The following IFI44L variants were observed in gnomAD, a reference collection of about 807,000 sequenced individuals.
The protein encoded by IFI44L is interferon induced protein 44 like.
IFI44L carries 40 observed loss-of-function variants against 39.3 expected under a neutral mutation model. The ratio of observed to expected loss-of-function variants is 1.02; its 90% CI spans 0.79 to 1.33. The LOEUF (loss-of-function observed/expected upper bound fraction) is 1.33. Ranked by LOEUF, IFI44L falls within the 40% of genes most tolerant of loss-of-function variation. The pLI is 0.00. For missense variants in IFI44L, 623 were observed against 549.0 expected, an observed-to-expected ratio of 1.13 and a Z score of -1.35; for synonymous variants, 198 against 182.3, an observed-to-expected ratio of 1.09 and a Z score of -0.69.
intron 3 of IFI44L, 195 bp from the exon 4 acceptor site, chr1:78,629,525 T>C (rs745706262): frequency 2.9e-5 from 13 of 447,270 alleles, no homozygotes; most frequent in Non-Finnish European, 4.6e-5. Flanking sequence ...TAATGCATTT[T>C]CTTTAAGCAC....
At chr1:78,623,396 GTTTTTTTTTTTT>G (rs71078508) in intron 1 of IFI44L, among the ~76,000 whole-genome samples, 5 of 121,320 alleles carry the variant, frequency 4.1e-5, no homozygotes, top group African/African-American at 1.7e-4. Context: ...AGTGTTTTTT[GTTTTTTTTTTTT>G]TTTTTTTTTT....
At chr1:78,634,642 A>T (rs1219532851) in intron 4 of IFI44L, among the ~76,000 whole-genome samples, 1 of 152,146 alleles carries the variant, frequency 6.6e-6, no homozygotes, top group East Asian at 1.9e-4. Context: ...AATATCTGAA[A>T]GTATAAAACT....
At chr1:78,640,004 C>T (rs1646962125) in intron 6 of IFI44L, among the ~76,000 whole-genome samples, 1 of 152,002 alleles carries the variant, frequency 6.6e-6, no homozygotes. Context: ...TGCATCTGAA[C>T]TTAATAAACT....
rs555262590 is a variant in IFI44L at position 78,641,091 on chromosome 1, CATGAGTAGATCT to C, written c.1124_1135del (p.Ser375_Met378del). ...AGGTTCTTCAAGACAACTTTTTAAA[CATGAGTAGATCT>C]ATGACTTCTCAAAGCCGGGTAAAAA... On this transcript the variant is annotated inframe_deletion, in exon 7 of 9. Transcript: ENST00000370751. 7.3e-4 allele frequency: 1,179 copies of C among 1,612,546 alleles called. 7 individuals carry two copies. The African/African-American group carries it at 0.014, about 19-fold the overall frequency.
chr1:78,635,316 C>A, intron 4 of IFI44L, 21 bp from the exon 5 acceptor site: 1 of 1,533,886 alleles, frequency 6.5e-7, no homozygotes, highest in Non-Finnish European at 9.0e-7. Context: ...AACCTTTACA[C>A]TTAATGTATT....
rs757203135 is a variant in IFI44L, at chr1:78,641,788, A to C, written c.1338A>C (p.Arg446Ser). ...TTTCATTTTCAGGTGCAATTGAGAG[A>C]GCGTTACAGCCCTGCATTTGAGATA... Reference protein sequence around the residue: ...LPLEETGAIERALQPCI With the variant: ...LPLEETGAIESALQPCI The change falls in exon 9 of 9, where the codon AGA (arginine) becomes AGC (serine). Residue 446 changes from arginine to serine, a missense_variant. Arg to Ser is a moderately radical substitution (Grantham distance 110). Coordinates refer to ENST00000370751, the MANE Select transcript of IFI44L (RefSeq NM_006820.4). 3 of 1,613,564 alleles carry C rather than the reference A, an allele frequency of 1.9e-6. No individual in the cohort carries two copies. The highest frequency in any genetic ancestry group is 2.5e-6 in the Non-Finnish European group (3 of 1,179,684).
In IFI44L at chr1:78,629,129, G is replaced by T. The variant is rs1482285046; in HGVS notation, c.527+130G>T. On this transcript the variant is annotated intron_variant, in intron 3 of 8. Transcript: ENST00000370751. ...ATTAAAAAAGAGTTATAATGTTATT[G>T]ACATAAAATAACAAAAGCACTACTA... The T allele has an allele frequency of 4.5e-6, 3 of 670,916 alleles. No homozygotes were observed. In the Admixed American group the frequency reaches 8.7e-5, roughly 19 times the overall value. The allele number at this position is 670,916 out of a possible 1,614,324, so 41.6% of individuals were successfully genotyped here.
intron 6 of IFI44L, among the ~76,000 whole-genome samples, chr1:78,639,533 T>C (rs1653078760): frequency 6.6e-6 from 1 of 152,228 alleles, no homozygotes; most frequent in East Asian, 1.9e-4. Flanking sequence ...CAAAAGCCAA[T>C]CTGGGACATA....
At chr1:78,635,675 A>C (rs570259333) in intron 5 of IFI44L, 186 bp downstream of exon 5, 1 of 591,464 alleles carries the variant, frequency 1.7e-6, no homozygotes, top group East Asian at 2.9e-5. Context: ...TTTCTGTAAC[A>C]TTGAGAAATA....
At position 78,643,625 on chromosome 1, in the gene IFI44L, T is replaced by G. The variant is rs955549453; in HGVS notation, c.*1816T>G. Reference sequence around the variant, plus strand: ...GAGATGAAAACTGGAAGTTTTTTTTTGTTTGTTTTGTTTTTTTTTTGTTGT... The same window carrying G: ...GAGATGAAAACTGGAAGTTTTTTTTGGTTTGTTTTGTTTTTTTTTTGTTGT... On this transcript the variant is annotated 3_prime_UTR_variant, in exon 9 of 9. Coordinates refer to ENST00000370751, the MANE Select transcript of IFI44L (RefSeq NM_006820.4). 2 of 149,468 alleles carry G rather than the reference T, an allele frequency of 1.3e-5. No homozygotes were observed. The highest frequency in any genetic ancestry group is 2.0e-4 in the East Asian group (1 of 4,994). 9.3% of individuals were successfully genotyped at this position (149,468 alleles called of 1,614,324 possible).
At position 78,641,800 on chromosome 1, in the gene IFI44L, C is replaced by G. The variant is rs1646990153; in HGVS notation, c.1350C>G (p.Pro450=). The G allele has an allele frequency of 6.2e-7, 1 of 1,613,572 alleles. No homozygotes were observed. Among genetic ancestry groups the G allele is most frequent in the Non-Finnish European group, 8.5e-7 (1 of 1,179,666 alleles). ...ETGAIERALQ[P]CI ...GTGCAATTGAGAGAGCGTTACAGCC[C>G]TGCATTTGAGATAAGTTGCCTTGAT... Residue 450 remains proline, a synonymous_variant, in exon 9 of 9, where the codon CCC becomes CCG. Coordinates refer to ENST00000370751, the MANE Select transcript of IFI44L (RefSeq NM_006820.4).
chr1:78,640,903 A>G (rs1457078770), intron 6 of IFI44L, 118 bp from the exon 7 acceptor site: 2 of 653,140 alleles, frequency 3.1e-6, no homozygotes, highest in African/African-American at 3.6e-5. Flanking sequence ...TGTATTGGGG[A>G]TATTTCATTC....
rs766648415 is a variant in IFI44L, at chr1:78,641,583, T to C, written c.1298T>C (p.Leu433Ser). 1 of 1,613,636 alleles carries C rather than the reference T, an allele frequency of 6.2e-7. No homozygotes were observed. Among genetic ancestry groups the C allele is most frequent in the Non-Finnish European group, 8.5e-7 (1 of 1,179,632 alleles). The change falls in exon 8 of 9, where the codon TTA (leucine) becomes TCA (serine). Residue 433 changes from leucine to serine, a missense_variant. Physicochemically the swap from Leu to Ser is moderately radical, Grantham distance 145 (BLOSUM62 -2). Transcript: ENST00000370751. ...RQMLRAADDFLEDLPLEETGA... is the reference protein window; with the variant it reads ...RQMLRAADDFSEDLPLEETGA... ...ATGCTGCGGGCTGCAGATGATTTTT[T>C]AGAAGATTTGCCTCTTGAGGAAACT...
intron 1 of IFI44L, among the ~76,000 whole-genome samples, chr1:78,624,185 G>A (rs747963703): frequency 5.9e-5 from 9 of 151,950 alleles, no homozygotes; most frequent in Non-Finnish European, 1.2e-4. Flanking sequence ...TGTTAGAGAC[G>A]GGGCTTTTCC....
chr1:78,640,328 C>T (rs1646967964), intron 6 of IFI44L, among the ~76,000 whole-genome samples: 1 of 151,934 alleles, frequency 6.6e-6, no homozygotes, highest in African/African-American at 2.4e-5. Context: ...TCTACCAGAA[C>T]CTAGGTATTA....
At chr1:78,632,158 G>T (rs188656213) in intron 4 of IFI44L, among the ~76,000 whole-genome samples, 7 of 152,146 alleles carry the variant, frequency 4.6e-5, no homozygotes, top group Admixed American at 3.9e-4. Flanking sequence ...ATTTTTACTG[G>T]ACAGCACAGA....
chr1:78,638,679 T>C (rs1280498098), intron 6 of IFI44L, among the ~76,000 whole-genome samples: 2 of 152,068 alleles, frequency 1.3e-5, no homozygotes, highest in Non-Finnish European at 2.9e-5. Flanking sequence ...TTTCAGGTCT[T>C]CTATTTCTTT....
At chr1:78,628,893 G>T in intron 2 of IFI44L, 58 bp from the exon 3 acceptor site, 2 of 1,123,876 alleles carry the variant, frequency 1.8e-6, no homozygotes, top group South Asian at 2.5e-5. Flanking sequence ...AAGTAGACTT[G>T]GCCACATTTA....
chr1:78,642,084 T>TGAG lies in IFI44L; in HGVS notation c.*275_*276insGAG. ...ACTGGAGGAAAAATGAGATATTCTC[T>TGAG]AATTTATTCTTCTATAACACTCTAT... is the stretch of plus-strand genomic sequence containing the variant. On this transcript the variant is annotated 3_prime_UTR_variant, in exon 9 of 9. Coordinates refer to ENST00000370751, the MANE Select transcript of IFI44L (RefSeq NM_006820.4). 1 of 549,226 alleles carries TGAG rather than the reference T, an allele frequency of 1.8e-6. No homozygotes were observed. Among genetic ancestry groups the TGAG allele is most frequent in the Non-Finnish European group, 3.3e-6 (1 of 306,208 alleles). 34.0% of individuals were successfully genotyped at this position (549,226 alleles called of 1,614,324 possible).
Sources: allele counts gnomAD v4.1 joint callset (sites outside exome capture counted in the v4.1 genomes callset), GRCh38; gene constraint gnomAD v4.1.1; transcripts MANE v1.5; gene names NCBI Gene and HGNC (gene_info 2026-07-23, HGNC 2026-07-21).